PTP4A1: variants seen among roughly 807,000 people sequenced by gnomAD.
The protein encoded by PTP4A1 is protein tyrosine phosphatase type IVA 1.
A neutral mutation model predicts 20.5 loss-of-function variants in PTP4A1; 9 were observed. That is an observed-to-expected ratio of 0.44 (90% CI 0.26 to 0.77). The LOEUF is 0.77. Among genes scored for constraint, PTP4A1 ranks in the 30% least tolerant of loss-of-function variants. The probability of loss-of-function intolerance (pLI) is 0.19; values close to 1 mark genes in which losing one functional copy is unlikely to be tolerated. For missense variants in PTP4A1, 137 were observed against 218.8 expected (o/e 0.63, Z 2.36); for synonymous variants, 78 against 67.4 (o/e 1.16, Z -0.77).
intron 3 of PTP4A1, among the ~76,000 whole-genome samples, chr6:63,564,911 G>A (rs1777122277): frequency 6.6e-6 from 1 of 152,234 alleles, no homozygotes; most frequent in South Asian, 2.1e-4. Context: ...GTTATGGATA[G>A]ATTCATAATA....
chr6:63,565,288 C>T (rs888660256), intron 3 of PTP4A1, among the ~76,000 whole-genome samples: 1 of 151,878 alleles, frequency 6.6e-6, no homozygotes, highest in African/African-American at 2.4e-5. Context: ...TATTAAGCGG[C>T]AGAGTTACTA....
At chr6:63,557,654 T>C (rs1252593766) in intron 3 of PTP4A1, among the ~76,000 whole-genome samples, 5 of 152,068 alleles carry the variant, frequency 3.3e-5, no homozygotes, top group Non-Finnish European at 5.9e-5. Context: ...TACAAAGCCA[T>C]GGAGGTCTGA....
chr6:63,517,279 T>C (rs1774762670), upstream of PTP4A1, among the ~76,000 whole-genome samples: 1 of 152,096 alleles, frequency 6.6e-6, no homozygotes, highest in South Asian at 2.1e-4. Flanking sequence ...ATAGAGTTTC[T>C]CCTGAGAAGC....
intron 3 of PTP4A1, among the ~76,000 whole-genome samples, chr6:63,559,174 C>A (rs1241285354): frequency 6.6e-6 from 1 of 152,230 alleles, no homozygotes; most frequent in Non-Finnish European, 1.5e-5. Context: ...TTCATATTTA[C>A]AAATAACATG....
upstream of PTP4A1, among the ~76,000 whole-genome samples, chr6:63,517,740 G>A (rs992875091): frequency 6.6e-6 from 1 of 152,106 alleles, no homozygotes; most frequent in African/African-American, 2.4e-5. Flanking sequence ...CACTGATGGA[G>A]AATTAAAAAT....
upstream of PTP4A1, among the ~76,000 whole-genome samples, chr6:63,521,542 T>C (rs1184274399): frequency 3.3e-5 from 5 of 152,234 alleles, no homozygotes; most frequent in Non-Finnish European, 7.3e-5. Flanking sequence ...ATGCCATAAC[T>C]AAGTTTTATT....
chr6:63,559,941 C>T (rs972015656), intron 3 of PTP4A1, among the ~76,000 whole-genome samples: 7 of 151,902 alleles, frequency 4.6e-5, no homozygotes, highest in East Asian at 3.9e-4. Flanking sequence ...GGTGTTTTTT[C>T]GTGACAACAG....
At chr6:63,560,368 A>G (rs1416222091) in intron 3 of PTP4A1, among the ~76,000 whole-genome samples, 1 of 151,220 alleles carries the variant, frequency 6.6e-6, no homozygotes, top group East Asian at 1.9e-4. Context: ...GAAAGAAAGA[A>G]AAGAAGTGAA....
upstream of PTP4A1, among the ~76,000 whole-genome samples, chr6:63,569,724 A>T (rs912772501): frequency 6.6e-6 from 1 of 152,252 alleles, no homozygotes; most frequent in Non-Finnish European, 1.5e-5. Flanking sequence ...AGCAGGAGAG[A>T]AAATCCTCTA....
chr6:63,547,005 T>A (rs909241327), intron 2 of PTP4A1, among the ~76,000 whole-genome samples: 1 of 152,178 alleles, frequency 6.6e-6, no homozygotes, highest in Admixed American at 6.5e-5. Flanking sequence ...CATTCTTTTT[T>A]AAAAAGTTTT....
At chr6:63,532,652 C>G (rs1393676794) in intron 2 of PTP4A1, among the ~76,000 whole-genome samples, 1 of 152,032 alleles carries the variant, frequency 6.6e-6, no homozygotes, top group Non-Finnish European at 1.5e-5. Context: ...AACCGAAGAG[C>G]AAGTATGATG....
chr6:63,574,540 T>C (rs7452758), intron 1 of PTP4A1, among the ~76,000 whole-genome samples: 1 of 152,210 alleles, frequency 6.6e-6, no homozygotes, highest in African/African-American at 2.4e-5. Context: ...AAGGGAATTC[T>C]TAATATAGTT....
At chr6:63,579,476 T>G (rs1778080994) in intron 5 of PTP4A1, 145 bp downstream of exon 5, 3 of 561,114 alleles carry the variant, frequency 5.3e-6, no homozygotes, top group Non-Finnish European at 8.8e-6. Flanking sequence ...TCTTACATTC[T>G]TTTTTGCATT....
chr6:63,579,800 C>T (rs1300631973), intron 5 of PTP4A1, among the ~76,000 whole-genome samples: 2 of 152,238 alleles, frequency 1.3e-5, no homozygotes, highest in Non-Finnish European at 1.5e-5. Flanking sequence ...TTTGTCTTTT[C>T]GTGGACTTAC....
chr6:63,576,028 GTA>G (rs1777841154), intron 1 of PTP4A1, among the ~76,000 whole-genome samples: 1 of 151,318 alleles, frequency 6.6e-6, no homozygotes, highest in Non-Finnish European at 1.5e-5. Context: ...TAAAGTGTAT[GTA>G]ATTACAATGT....
At chr6:63,535,829 C>A (rs928159216) in intron 2 of PTP4A1, among the ~76,000 whole-genome samples, 2 of 152,114 alleles carry the variant, frequency 1.3e-5, no homozygotes, top group Non-Finnish European at 2.9e-5. Flanking sequence ...AAGTCCAGCA[C>A]TTTTTTATTT....
intron 1 of PTP4A1, among the ~76,000 whole-genome samples, chr6:63,524,811 C>T (rs1775089156): frequency 6.6e-6 from 1 of 151,980 alleles, no homozygotes; most frequent in South Asian, 2.1e-4. Context: ...TAATCATTTC[C>T]TTTTTATATG....
At chr6:63,541,335 A>T (rs1470648429) in intron 2 of PTP4A1, among the ~76,000 whole-genome samples, 2 of 151,970 alleles carry the variant, frequency 1.3e-5, no homozygotes, top group Non-Finnish European at 2.9e-5. Context: ...CGGGTGGATC[A>T]TGAGGTCAGG....
intron 3 of PTP4A1, among the ~76,000 whole-genome samples, chr6:63,564,479 T>G (rs1777103142): frequency 6.6e-6 from 1 of 152,162 alleles, no homozygotes; most frequent in Admixed American, 6.5e-5. Context: ...TTATTATGCT[T>G]GCAGGAAATT....
Sources: allele counts gnomAD v4.1 joint callset (sites outside exome capture counted in the v4.1 genomes callset), GRCh38; gene constraint gnomAD v4.1.1; transcripts MANE v1.5; gene names NCBI Gene and HGNC (gene_info 2026-07-23, HGNC 2026-07-21).